CACNA1E: variants seen among roughly 807,000 people sequenced by gnomAD.
CACNA1E encodes the protein voltage-dependent R-type calcium channel subunit alpha-1E.
In CACNA1E, 40 loss-of-function variants were observed where a neutral mutation model predicts 259.2. The ratio of observed to expected loss-of-function variants is 0.15; its 90% CI spans 0.12 to 0.20. The LOEUF is 0.20. Ranked by LOEUF, CACNA1E falls within the 10% of genes least tolerant of loss-of-function variation. The probability of loss-of-function intolerance (pLI) is 1.00; values close to 1 mark genes in which losing one functional copy is unlikely to be tolerated. For missense variants in CACNA1E, 1,874 were observed against 3,040.1 expected, an observed-to-expected ratio of 0.62 and a Z score of 9.02; for synonymous variants, 1,104 against 1,138.5, an observed-to-expected ratio of 0.97 and a Z score of 0.61.
At chr1:181,674,394 C>CAAAAAAAAAA (rs10711497) in intron 7 of CACNA1E, among the ~76,000 whole-genome samples, 1 of 43,566 alleles carries the variant, frequency 2.3e-5, no homozygotes. Flanking sequence ...GACTCCATCT[C>CAAAAAAAAAA]AAAAAAAAAA....
chr1:181,719,682 C>A, intron 12 of CACNA1E, 69 bp from the exon 13 acceptor site: 1 of 765,494 alleles, frequency 1.3e-6, no homozygotes, highest in Admixed American at 2.4e-5. Context: ...TGATGGTGTG[C>A]TGGGCGCTAG....
intron 25 of CACNA1E, among the ~76,000 whole-genome samples, chr1:181,747,800 T>A (rs1343069602): frequency 6.6e-6 from 1 of 152,250 alleles, no homozygotes; most frequent in East Asian, 1.9e-4. Flanking sequence ...TGGTGAAATG[T>A]CTTCCTTGCA....
chr1:181,580,876 A>G, intron 6 of CACNA1E, 100 bp downstream of exon 6: 1 of 1,010,842 alleles, frequency 9.9e-7, no homozygotes, highest in Non-Finnish European at 1.5e-6. Context: ...AGGGAGGGCT[A>G]TGGATATAGG....
At chr1:181,653,841 A>T (rs1404907374) in intron 7 of CACNA1E, among the ~76,000 whole-genome samples, 1 of 152,266 alleles carries the variant, frequency 6.6e-6, no homozygotes, top group Non-Finnish European at 1.5e-5. Flanking sequence ...TCCAGGACTT[A>T]GGATGTGAAC....
chr1:181,732,923 G>T lies in CACNA1E; in HGVS notation c.2837G>T (p.Arg946Leu). ...CGGAGCAGGTCTGCCAGCCAGGAACGCAGTCTGGATGAAGCCATGCCCACT... is the reference window on the plus strand; with the variant it reads ...CGGAGCAGGTCTGCCAGCCAGGAACTCAGTCTGGATGAAGCCATGCCCACT... Reference protein sequence around the residue: ...ASRSRSASQERSLDEAMPTEG... With the variant: ...ASRSRSASQELSLDEAMPTEG... Residue 946 changes from arginine (R) to leucine (L), a missense_variant, in exon 20 of 48, where the codon CGC becomes CTC. This residue lies in a region of CACNA1E where 476 missense variants were observed against 514.0 expected (regional missense o/e 0.93). Coordinates refer to ENST00000367573, the MANE Select transcript of CACNA1E (RefSeq NM_001205293.3). This position sits in a 1 kb window ranked among gnomAD's most constrained non-coding sequence, Gnocchi z 5.5. 6.2e-7 allele frequency: 1 copy of T among 1,614,036 alleles called. No homozygotes were observed. Among genetic ancestry groups the T allele is most frequent in the Admixed American group, 1.7e-5 (1 of 60,030 alleles).
chr1:181,797,394 C>T (rs3753752), intron 47 of CACNA1E, among the ~76,000 whole-genome samples: 10,015 of 152,280 alleles, frequency 0.066, 491 homozygotes, highest in East Asian at 0.28. Flanking sequence ...CTCCTTACTA[C>T]AGCCCTATCT....
chr1:181,388,276 C>T (rs1196406077), intron 1 of CACNA1E, among the ~76,000 whole-genome samples: 4 of 152,172 alleles, frequency 2.6e-5, no homozygotes, highest in Non-Finnish European at 5.9e-5. Flanking sequence ...TAGAAGGTCG[C>T]CGTGAGCCCT....
intron 3 of CACNA1E, among the ~76,000 whole-genome samples, chr1:181,569,186 G>A (rs542412946): frequency 3.3e-5 from 5 of 152,172 alleles, no homozygotes; most frequent in South Asian, 2.1e-4. Context: ...ATTAAGTATC[G>A]CAAGGACAGC....
intron 1 of CACNA1E, among the ~76,000 whole-genome samples, chr1:181,323,995 G>T (rs1650576153): frequency 6.6e-6 from 1 of 152,202 alleles, no homozygotes; most frequent in Non-Finnish European, 1.5e-5. Flanking sequence ...GGGCTTGGGG[G>T]GCAAAGCCCC....
At chr1:181,753,815 A>G (rs916317208) in intron 27 of CACNA1E, among the ~76,000 whole-genome samples, 1 of 152,150 alleles carries the variant, frequency 6.6e-6, no homozygotes, top group Non-Finnish European at 1.5e-5. Context: ...AAAACTAACT[A>G]GGTTTGTGAA....
intron 41 of CACNA1E, 110 bp downstream of exon 41, chr1:181,784,878 C>CAATT: frequency 1.5e-6 from 1 of 672,568 alleles, no homozygotes. Flanking sequence ...TTGCCCTTTT[C>CAATT]AATTAATAAG....
chr1:181,353,823 C>G (rs1293323928), intron 1 of CACNA1E, among the ~76,000 whole-genome samples: 1 of 152,314 alleles, frequency 6.6e-6, no homozygotes, highest in South Asian at 2.1e-4. Flanking sequence ...GTGGCTACCA[C>G]ACTGAGGAAG....
intron 1 of CACNA1E, among the ~76,000 whole-genome samples, chr1:181,363,572 C>G (rs1029222822): frequency 6.6e-6 from 1 of 152,138 alleles, no homozygotes; most frequent in African/African-American, 2.4e-5. Context: ...AGGTGACATC[C>G]CAGCCTCAGC....
intron 3 of CACNA1E, among the ~76,000 whole-genome samples, chr1:181,573,022 G>A (rs1395441144): frequency 1.3e-5 from 2 of 152,178 alleles, no homozygotes; most frequent in Non-Finnish European, 2.9e-5. Flanking sequence ...ACATTACACA[G>A]CGTAATGGCA....
At chr1:181,370,270 GTT>G (rs761065599) in intron 1 of CACNA1E, among the ~76,000 whole-genome samples, 120 of 141,186 alleles carry the variant, frequency 8.5e-4, no homozygotes, top group Admixed American at 2.5e-3. Flanking sequence ...TTGTTTCATA[GTT>G]TTTTTTTTTT....
chr1:181,794,885 A>G lies in CACNA1E; in HGVS notation c.6049A>G (p.Met2017Val), dbSNP rs764760663. Residue 2017 changes from methionine to valine, a missense_variant, in exon 46 of 48, where the codon ATG becomes GTG. By Grantham distance (21) the Met-to-Val change is conservative. Transcript: ENST00000367573. ...DPQVVTDPSS[M>V]RRSFSTIRDK... is the part of the protein sequence containing the mutation. ...CCAGGTGGTGACAGACCCTAGCTCC[A>G]TGAGACGTTCATTTTCCACTATTCG... The G allele has an allele frequency of 6.2e-7, 1 of 1,613,524 alleles. No homozygotes were observed. Among genetic ancestry groups the G allele is most frequent in the Admixed American group, 1.7e-5 (1 of 59,990 alleles).
intron 1 of CACNA1E, among the ~76,000 whole-genome samples, chr1:181,352,868 G>T (rs1653142811): frequency 6.6e-6 from 1 of 151,546 alleles, no homozygotes; most frequent in African/African-American, 2.4e-5. Context: ...CCCTGATTGG[G>T]CTGGGGAGTA....
chr1:181,611,539 T>C (rs1387226521), intron 6 of CACNA1E, among the ~76,000 whole-genome samples: 1 of 152,144 alleles, frequency 6.6e-6, no homozygotes, highest in East Asian at 1.9e-4. Flanking sequence ...ACCTCTACTG[T>C]CAAGACAGTT....
Position 181,802,540 on chromosome 1 carries a change from G to C in CACNA1E, c.*3706G>C, listed in dbSNP as rs893932628. On this transcript the variant is annotated 3_prime_UTR_variant, in exon 48 of 48. Coordinates refer to ENST00000367573, the MANE Select transcript of CACNA1E (RefSeq NM_001205293.3). The stretch of plus-strand genomic sequence containing the variant: ...TAGCGCTGATCCAGCTCCTGAGATG[G>C]TTAATTCCACCCAATCCAAGCTTAT... 1 of 152,184 alleles carries C rather than the reference G, an allele frequency of 6.6e-6. No individual in the cohort carries two copies. The highest frequency in any genetic ancestry group is 1.5e-5 in the Non-Finnish European group (1 of 68,046). 9.4% of individuals were successfully genotyped at this position (152,184 alleles called of 1,614,324 possible).
Sources: gnomAD v4.1 joint callset for allele counts (sites outside exome capture counted in the v4.1 genomes callset) on GRCh38, gnomAD v4.1.1 for gene constraint, gnomAD v4.1.1 regional missense constraint, Gnocchi (gnomAD v3.1) non-coding constraint, MANE v1.5 for transcripts, NCBI Gene and HGNC (gene_info 2026-07-23, HGNC 2026-07-21) for gene names.